The following PHACTR1 variants were observed in gnomAD, a reference collection of about 807,000 sequenced individuals.
PHACTR1 encodes phosphatase and actin regulator 1, also known as RPEL repeat containing 1.
A neutral mutation model predicts 69.2 loss-of-function variants in PHACTR1; 16 were observed. The ratio of observed to expected loss-of-function variants is 0.23; its 90% CI spans 0.16 to 0.35. The LOEUF is 0.35. Ranked by LOEUF, PHACTR1 falls within the 10% of genes least tolerant of loss-of-function variation. The pLI, the probability that PHACTR1 is intolerant of heterozygous loss-of-function variation, is 1.00. For missense variants in PHACTR1, 510 were observed against 734.7 expected (o/e 0.69, Z 3.54); for synonymous variants, 312 against 284.5 (o/e 1.10, Z -0.97).
In PHACTR1 at chr6:13,241,045, G is replaced by A. The variant is rs189780950; in HGVS notation, c.1391+10852G>A. On this transcript the variant is annotated intron_variant, in intron 10 of 14. Transcript: ENST00000332995. ...TTCTGGCAAACCCACTGGAAAAAAT[G>A]TGTAGTTTGGTTGAGTTTTTATGTT... Among the ~76,000 whole-genome samples the A allele has an allele frequency of 6.8e-4, 104 of 152,260 alleles. 1 individual carries two copies. Among genetic ancestry groups the A allele is most frequent in the African/African-American group, 2.3e-3 (97 of 41,554 alleles).
chr6:12,944,883 C>T (rs368293246), intron 4 of PHACTR1, among the ~76,000 whole-genome samples: 30 of 151,792 alleles, frequency 2.0e-4, no homozygotes, highest in East Asian at 9.7e-4. Context: ...CCCGGGTTCA[C>T]GCCATTCTCC....
At chr6:13,098,284 C>G (rs1814604498) in intron 5 of PHACTR1, among the ~76,000 whole-genome samples, 1 of 152,142 alleles carries the variant, frequency 6.6e-6, no homozygotes, top group South Asian at 2.1e-4. Context: ...ATTGAACAGT[C>G]CTTCTTATTT....
chr6:13,039,535 C>G (rs368787234), intron 4 of PHACTR1, among the ~76,000 whole-genome samples: 109 of 152,290 alleles, frequency 7.2e-4, no homozygotes, highest in African/African-American at 2.6e-3. Flanking sequence ...TGCCTACTCT[C>G]TGCTGAACTC....
chr6:13,089,950 G>GAATC (rs1267638763), intron 5 of PHACTR1, among the ~76,000 whole-genome samples: 1 of 152,196 alleles, frequency 6.6e-6, no homozygotes, highest in African/African-American at 2.4e-5. Context: ...ATGTCATTTA[G>GAATC]AATCAGAAGT....
chr6:13,240,685 G>C (rs1772706744), intron 10 of PHACTR1, among the ~76,000 whole-genome samples: 1 of 152,084 alleles, frequency 6.6e-6, no homozygotes, highest in South Asian at 2.1e-4. Flanking sequence ...GGACTCAAGT[G>C]ATCCGCCCAC....
At chr6:13,265,294 C>T (rs1015226874) in intron 10 of PHACTR1, among the ~76,000 whole-genome samples, 2 of 152,112 alleles carry the variant, frequency 1.3e-5, no homozygotes, top group Non-Finnish European at 2.9e-5. Context: ...AACCTTACAG[C>T]AGCTCTCAGA....
chr6:13,281,929 C>A (rs1267919212), intron 12 of PHACTR1, among the ~76,000 whole-genome samples: 1 of 152,234 alleles, frequency 6.6e-6, no homozygotes, highest in Non-Finnish European at 1.5e-5. Flanking sequence ...GGCGGCTGAG[C>A]CCCTGATCCC....
intron 8 of PHACTR1, among the ~76,000 whole-genome samples, chr6:13,225,724 C>T (rs1769530415): frequency 6.6e-6 from 1 of 152,184 alleles, no homozygotes; most frequent in African/African-American, 2.4e-5. Context: ...CTTTCATCCC[C>T]AGCTCCCGGC....
chr6:12,984,512 G>A (rs891220922), intron 4 of PHACTR1, among the ~76,000 whole-genome samples: 7 of 152,206 alleles, frequency 4.6e-5, no homozygotes, highest in African/African-American at 1.2e-4. Flanking sequence ...AACATGCCAC[G>A]TCAGGGCTGG....
In PHACTR1 at chr6:13,157,984, CA is replaced by C. The variant is rs535211693; in HGVS notation, c.416-2218del. Among the ~76,000 whole-genome samples the C allele has an allele frequency of 7.9e-5, 12 of 152,188 alleles. No individual in the cohort carries two copies. The South Asian group carries it at 2.5e-3, about 32-fold the overall frequency. ...GCAACCTCTGCCTCCCGGGTTCAAG[CA>C]ATCCTCCTGTCTCAGCCTCCCAAGT... On this transcript the variant is annotated intron_variant, in intron 5 of 14. Coordinates refer to ENST00000332995, the MANE Select transcript of PHACTR1 (RefSeq NM_030948.6).
At chr6:12,721,150 C>G (rs1762071915) in intron 3 of PHACTR1, among the ~76,000 whole-genome samples, 1 of 152,174 alleles carries the variant, frequency 6.6e-6, no homozygotes, top group African/African-American at 2.4e-5. Context: ...CTTTGGGAAG[C>G]CGAGGCGGGT....
At chr6:13,136,333 A>G (rs1821542346) in intron 5 of PHACTR1, among the ~76,000 whole-genome samples, 1 of 152,120 alleles carries the variant, frequency 6.6e-6, no homozygotes, top group Non-Finnish European at 1.5e-5. Context: ...TTTCCTTAAA[A>G]CTCATGAATC....
At chr6:13,274,838 C>G (rs1288610669) in intron 11 of PHACTR1, 1 of 152,190 alleles carries the variant, frequency 6.6e-6, no homozygotes, top group Non-Finnish European at 1.5e-5. Context: ...TCCCTAATCC[C>G]TCTTGTCCTG....
At chr6:12,944,529 C>T (rs1790392436) in intron 4 of PHACTR1, among the ~76,000 whole-genome samples, 2 of 152,160 alleles carry the variant, frequency 1.3e-5, no homozygotes, top group South Asian at 2.1e-4. Context: ...AAAAAATAAA[C>T]TTCCTTATTC....
At chr6:13,177,198 A>AAAAAAAAAAAAAAAAAAAAAAAAAAAG (rs1434348131) in intron 6 of PHACTR1, among the ~76,000 whole-genome samples, 1 of 146,112 alleles carries the variant, frequency 6.8e-6, no homozygotes, top group East Asian at 2.0e-4. Context: ...AAAAAAAAAA[A>AAAAAAAAAAAAAAAAAAAAAAAAAAAG]AAAAATCCAG....
intron 5 of PHACTR1, among the ~76,000 whole-genome samples, chr6:13,064,176 A>G (rs1351905613): frequency 6.6e-6 from 1 of 152,066 alleles, no homozygotes. Flanking sequence ...GTTGATTATA[A>G]TGTTGGGGAG....
chr6:13,166,030 C>A (rs1006453833), intron 6 of PHACTR1, among the ~76,000 whole-genome samples: 1 of 152,208 alleles, frequency 6.6e-6, no homozygotes, highest in Non-Finnish European at 1.5e-5. Flanking sequence ...TTTTCACTCT[C>A]TTCATCCCTC....
At chr6:13,027,088 C>T (rs1801799720) in intron 4 of PHACTR1, among the ~76,000 whole-genome samples, 1 of 152,024 alleles carries the variant, frequency 6.6e-6, no homozygotes, top group Admixed American at 6.6e-5. Context: ...GGGTCTATGA[C>T]TTAGGGATAT....
At chr6:13,181,165 G>T (rs1762127901) in intron 6 of PHACTR1, among the ~76,000 whole-genome samples, 2 of 140,042 alleles carry the variant, frequency 1.4e-5, no homozygotes, top group South Asian at 2.6e-4. Context: ...TGATTATTCT[G>T]TTAAACAGAT....
Sources: gnomAD v4.1 joint callset for allele counts (sites outside exome capture counted in the v4.1 genomes callset) on GRCh38, gnomAD v4.1.1 for gene constraint, MANE v1.5 for transcripts, NCBI Gene and HGNC (gene_info 2026-07-23, HGNC 2026-07-21) for gene names.